CIDEA: variants seen among roughly 807,000 people sequenced by gnomAD.
The protein encoded by CIDEA is lipid transferase CIDEA.
CIDEA carries 10 observed loss-of-function variants against 18.2 expected under a neutral mutation model. That is an observed-to-expected ratio of 0.55 (90% confidence interval 0.34 to 0.93). The LOEUF is 0.93. Among genes scored for constraint, CIDEA ranks in the 40% least tolerant of loss-of-function variants. The pLI is 0.02. For missense variants in CIDEA, 309 were observed against 293.1 expected (o/e 1.05, Z -0.40); for synonymous variants, 128 against 124.8 (o/e 1.03, Z -0.17).
chr18:12,269,188 A>G (rs1185632690), intron 3 of CIDEA, among the ~76,000 whole-genome samples: 1 of 152,170 alleles, frequency 6.6e-6, no homozygotes, highest in Non-Finnish European at 1.5e-5. Flanking sequence ...GAGGAACGGC[A>G]TTTTTTACAT....
Position 12,277,277 on chromosome 18 carries a change from A to T in CIDEA, c.*7A>T. 2.5e-6 allele frequency: 4 copies of T among 1,614,016 alleles called. No homozygotes were observed. Among genetic ancestry groups the T allele is most frequent in the Non-Finnish European group, 3.4e-6 (4 of 1,179,988 alleles). On this transcript the variant is annotated 3_prime_UTR_variant, in exon 5 of 5. Transcript: ENST00000320477. ...CAGGTTCACGTGTGGATAGGGATGC[A>T]GGCTGTCGCCGGCTCTTGAGCCAAA...
intron 3 of CIDEA, among the ~76,000 whole-genome samples, chr18:12,267,613 C>A (rs1912387958): frequency 1.3e-5 from 2 of 152,208 alleles, no homozygotes; most frequent in South Asian, 4.1e-4. Flanking sequence ...TGTGCCTCAG[C>A]CTCCCAAGTA....
At chr18:12,254,563 C>CCCGCGCACACACCCAT (rs71172063) in intron 1 of CIDEA, 142 bp downstream of exon 1, 693,172 of 1,508,672 alleles carry the variant, frequency 0.46, 165,270 homozygotes, top group East Asian at 0.73. Context: ...GCTCCGCGAC[C>CCCGCGCACACACCCAT]CCGCGCACAC....
Position 12,277,477 on chromosome 18 carries a change from G to T in CIDEA, c.*207G>T. ...GGGTGCCCTGGGGGGGAGGCATAGAGGGCCCTGGGGGTCATGGGAAGCGAG... is the reference window on the plus strand; with the variant it reads ...GGGTGCCCTGGGGGGGAGGCATAGATGGCCCTGGGGGTCATGGGAAGCGAG... On this transcript the variant is annotated 3_prime_UTR_variant, in exon 5 of 5. Transcript: ENST00000320477. 1.7e-6 allele frequency: 1 copy of T among 586,792 alleles called. No homozygotes were observed. The highest frequency in any genetic ancestry group is 3.0e-6 in the Non-Finnish European group (1 of 336,298). The allele number at this position is 586,792 out of a possible 1,614,324, so 36.3% of individuals were successfully genotyped here.
At position 12,274,131 on chromosome 18, in the gene CIDEA, G is replaced by C. The variant is rs1912633126; in HGVS notation, c.369G>C (p.Arg123Ser). ...QHVPTCSPPK[R>S]SGIARVTFDL... The stretch of plus-strand genomic sequence containing the variant: ...TCCCCACTTGCTCGCCGCCGAAGAG[G>C]TCGGGAATAGCGAGAGTCACCTTCG... Residue 123 changes from arginine (R) to serine (S), a missense_variant, in exon 4 of 5, where the codon AGG becomes AGC. By Grantham distance (110) the Arg-to-Ser change is moderately radical (BLOSUM62 -1). Coordinates refer to ENST00000320477, the MANE Select transcript of CIDEA (RefSeq NM_001279.4). 2.5e-6 allele frequency: 4 copies of C among 1,614,216 alleles called. No homozygotes were observed. In the East Asian group the frequency reaches 8.9e-5, roughly 36 times the overall value.
At chr18:12,275,480 G>A (rs1238643794) in intron 4 of CIDEA, among the ~76,000 whole-genome samples, 1 of 152,258 alleles carries the variant, frequency 6.6e-6, no homozygotes, top group Non-Finnish European at 1.5e-5. Context: ...ACTAACCTCT[G>A]TGGAGGGAGT....
chr18:12,254,438 C>G lies in CIDEA; in HGVS notation c.38+17C>G, dbSNP rs142786662. On this transcript the variant is annotated intron_variant, in intron 1 of 4. Coordinates refer to ENST00000320477, the MANE Select transcript of CIDEA (RefSeq NM_001279.4). ...CCTCATCAGGCGAGTGCCCCGCGTC[C>G]CCCTGATTGCCGTGCGCTTCCAATC... is the stretch of plus-strand genomic sequence containing the variant. The G allele has an allele frequency of 1.3e-6, 2 of 1,596,202 alleles. No individual in the cohort carries two copies. Among genetic ancestry groups the G allele is most frequent in the Non-Finnish European group, 1.7e-6 (2 of 1,174,734 alleles).
chr18:12,270,894 C>CTTTTTTTTTTTTTTTTCTTTTTTT (rs1912501507), intron 3 of CIDEA, among the ~76,000 whole-genome samples: 1 of 60,000 alleles, frequency 1.7e-5, no homozygotes, highest in Non-Finnish European at 2.9e-5. Context: ...TTTTTCTTTT[C>CTTTTTTTTTTTTTTTTCTTTTTTT]TTTTTTTTTT....
At position 12,262,878 on chromosome 18, in the gene CIDEA, T is replaced by C. The variant is rs761165209; in HGVS notation, c.92T>C (p.Met31Thr). 1.2e-6 allele frequency: 2 copies of C among 1,614,198 alleles called. No homozygotes were observed. The highest frequency in any genetic ancestry group is 1.7e-5 in the Admixed American group (1 of 60,016). ...AAGCGAGTCCTGTTCACCCCGCTCATGCATCCAGCTCGCCCTTTCCGGGTC... is the reference window on the plus strand; with the variant it reads ...AAGCGAGTCCTGTTCACCCCGCTCACGCATCCAGCTCGCCCTTTCCGGGTC... The part of the protein sequence containing the change: ...QTKRVLFTPL[M>T]HPARPFRVSN... The change falls in exon 2 of 5, where the codon ATG becomes ACG. Residue 31 changes from methionine to threonine, a missense_variant. Met to Thr is a moderately conservative substitution (Grantham distance 81, BLOSUM62 -1). Transcript: ENST00000320477.
intron 3 of CIDEA, among the ~76,000 whole-genome samples, chr18:12,265,221 CCTT>C (rs1306328171): frequency 2.0e-5 from 3 of 152,238 alleles, no homozygotes; most frequent in Non-Finnish European, 1.5e-5. Context: ...GCCCAAAAAA[CCTT>C]CTCAGTATAA....
intron 3 of CIDEA, among the ~76,000 whole-genome samples, chr18:12,267,740 C>T (rs982281605): frequency 7.2e-5 from 11 of 152,154 alleles, no homozygotes; most frequent in South Asian, 2.1e-4. Flanking sequence ...AGTGATCCAC[C>T]GGCCTTGGCC....
chr18:12,277,022 C>G lies in CIDEA; in HGVS notation c.513-101C>G, dbSNP rs1905357927. 2.2e-6 allele frequency: 3 copies of G among 1,340,696 alleles called. No individual in the cohort carries two copies. In the Admixed American group the frequency reaches 5.4e-5, roughly 24 times the overall value. The allele number at this position is 1,340,696 out of a possible 1,614,324, so 83.0% of individuals were successfully genotyped here. The stretch of plus-strand genomic sequence containing the variant: ...GCTCTAAATGTCAGCCTGGCCTCCT[C>G]CGAGTGCCTTTTGGTGGGGGGAGTG... On this transcript the variant is annotated intron_variant, in intron 4 of 4. Coordinates refer to ENST00000320477, the MANE Select transcript of CIDEA (RefSeq NM_001279.4).
At chr18:12,272,147 T>TG (rs1259474425) in intron 3 of CIDEA, among the ~76,000 whole-genome samples, 13 of 1,470 alleles carry the variant, frequency 8.8e-3, no homozygotes, top group South Asian at 0.029. Context: ...TGAGTGTGTG[T>TG]GTGGGGGGGG....
chr18:12,273,420 C>A (rs764793779), intron 3 of CIDEA, among the ~76,000 whole-genome samples: 6 of 152,176 alleles, frequency 3.9e-5, no homozygotes, highest in Admixed American at 2.0e-4. Flanking sequence ...ATTTTTAAAC[C>A]ATTTTGTGGG....
At chr18:12,270,040 T>C (rs1912468938) in intron 3 of CIDEA, among the ~76,000 whole-genome samples, 1 of 152,232 alleles carries the variant, frequency 6.6e-6, no homozygotes, top group South Asian at 2.1e-4. Context: ...TCAGGATTCC[T>C]GGATGTCTCC....
intron 3 of CIDEA, among the ~76,000 whole-genome samples, chr18:12,268,536 T>C (rs1480724201): frequency 2.0e-5 from 3 of 151,598 alleles, no homozygotes; most frequent in African/African-American, 4.9e-5. Context: ...TACAGGCATG[T>C]GCCACCATGC....
At position 12,277,294 on chromosome 18, in the gene CIDEA, T is replaced by G. The variant is rs554124487; in HGVS notation, c.*24T>G. 3.7e-6 allele frequency: 6 copies of G among 1,613,606 alleles called. No individual in the cohort carries two copies. The Admixed American group carries it at 5.0e-5, about 13-fold the overall frequency. On this transcript the variant is annotated 3_prime_UTR_variant, in exon 5 of 5. Transcript: ENST00000320477. ...AGGGATGCAGGCTGTCGCCGGCTCTTGAGCCAAACACTGTGTTTCGTTTGG... is the reference window on the plus strand; with the variant it reads ...AGGGATGCAGGCTGTCGCCGGCTCTGGAGCCAAACACTGTGTTTCGTTTGG...
chr18:12,259,784 C>T (rs1407867527), intron 1 of CIDEA, among the ~76,000 whole-genome samples: 1 of 152,146 alleles, frequency 6.6e-6, no homozygotes, highest in Non-Finnish European at 1.5e-5. Context: ...TTGCTTGAAC[C>T]CGAGAAGCAG....
In CIDEA at chr18:12,277,133, C is replaced by T. The variant is rs140796846; in HGVS notation, c.523C>T (p.Arg175Trp). 1.9e-5 allele frequency: 30 copies of T among 1,613,990 alleles called. No homozygotes were observed. The highest frequency in any genetic ancestry group is 2.7e-5 in the African/African-American group (2 of 74,924). ...GLKGLLRSLL[R>W]FLSYSAQVTG... is the part of the protein sequence containing the mutation. ...CTGCCTCTGCCACAGGAGTCTGCTG[C>T]GGTTCCTGTCCTACTCCGCCCAGGT... The change falls in exon 5 of 5, where the codon CGG becomes TGG. Residue 175 changes from arginine (R) to tryptophan (W), a missense_variant. By Grantham distance (101) the Arg-to-Trp change is moderately radical. Transcript: ENST00000320477.
Sources: gnomAD v4.1 joint callset for allele counts (sites outside exome capture counted in the v4.1 genomes callset) on GRCh38, gnomAD v4.1.1 for gene constraint, MANE v1.5 for transcripts, NCBI Gene and HGNC (gene_info 2026-07-23, HGNC 2026-07-21) for gene names.